Variants in KCNMA1 observed in about 807,000 individuals in gnomAD.
KCNMA1 encodes potassium calcium-activated channel subfamily M alpha 1, also known as Calcium-activated potassium channel subunit alpha-1.
Under a neutral mutation model 140.0 loss-of-function variants are expected in KCNMA1, and 29 were observed. The ratio of observed to expected loss-of-function variants is 0.21; its 90% confidence interval spans 0.15 to 0.28. The LOEUF is 0.28. Among genes scored for constraint, KCNMA1 ranks in the 10% least tolerant of loss-of-function variants. The pLI is 1.00. For synonymous variants in KCNMA1, 612 were observed against 611.9 expected (o/e 1.00, Z 0.00); for missense variants, 880 against 1,602.2 (o/e 0.55, Z 7.70).
chr10:77,344,361 G>A (rs1432983544), intron 2 of KCNMA1, among the ~76,000 whole-genome samples: 6 of 152,160 alleles, frequency 3.9e-5, no homozygotes, highest in Non-Finnish European at 5.9e-5. Flanking sequence ...GAGGGATCAG[G>A]TGAAGGAAGC....
intron 9 of KCNMA1, among the ~76,000 whole-genome samples, chr10:77,097,189 G>T (rs1483986441): frequency 6.6e-6 from 1 of 152,124 alleles, no homozygotes; most frequent in Non-Finnish European, 1.5e-5. Flanking sequence ...CCTGATTTGG[G>T]GCATGTCCTT....
At chr10:77,531,174 C>T (rs909455851) in intron 1 of KCNMA1, among the ~76,000 whole-genome samples, 2 of 152,174 alleles carry the variant, frequency 1.3e-5, no homozygotes, top group Admixed American at 1.3e-4. Context: ...GATTCTAAGT[C>T]CCAAGTCTTT....
At chr10:77,533,832 T>C (rs957144085) in intron 1 of KCNMA1, among the ~76,000 whole-genome samples, 15 of 152,196 alleles carry the variant, frequency 9.9e-5, no homozygotes, top group African/African-American at 3.6e-4. Context: ...TGTGTGACTG[T>C]TCCTTACCAC....
At chr10:76,909,874 G>T in intron 25 of KCNMA1, 92 bp downstream of exon 25, 2 of 1,396,044 alleles carry the variant, frequency 1.4e-6, no homozygotes, top group Admixed American at 3.8e-5. Context: ...CTCCACTGTG[G>T]CCCCAGTGCA....
At chr10:77,234,141 C>A (rs868559684) in intron 3 of KCNMA1, among the ~76,000 whole-genome samples, 3 of 152,138 alleles carry the variant, frequency 2.0e-5, no homozygotes, top group Admixed American at 2.0e-4. Flanking sequence ...AAGAAGCAAG[C>A]AGACTTTATC....
intron 13 of KCNMA1, 38 bp from the exon 14 acceptor site, chr10:77,073,290 T>C: frequency 1.2e-6 from 2 of 1,605,374 alleles, no homozygotes; most frequent in East Asian, 2.2e-5. Flanking sequence ...CTTGCTCTGT[T>C]AAATGTTCAA....
chr10:77,557,972 C>T (rs1712239417), intron 1 of KCNMA1, among the ~76,000 whole-genome samples: 1 of 152,050 alleles, frequency 6.6e-6, no homozygotes, highest in African/African-American at 2.4e-5. Flanking sequence ...AGAAAGATTG[C>T]ACCAGTCAAA....
intron 1 of KCNMA1, among the ~76,000 whole-genome samples, chr10:77,496,264 A>G (rs1476317155): frequency 1.3e-5 from 2 of 152,060 alleles, no homozygotes; most frequent in Non-Finnish European, 2.9e-5. Context: ...CACCTCATGC[A>G]TGTTACAAGG....
chr10:77,212,464 A>G (rs2046385366), intron 3 of KCNMA1, among the ~76,000 whole-genome samples: 1 of 152,102 alleles, frequency 6.6e-6, no homozygotes. Context: ...GAGGGAAAGG[A>G]CCGTGGGTTG....
At chr10:77,503,275 TAA>T (rs902336835) in intron 1 of KCNMA1, among the ~76,000 whole-genome samples, 3 of 152,166 alleles carry the variant, frequency 2.0e-5, no homozygotes, top group African/African-American at 7.2e-5. Flanking sequence ...ATCTTCCAAA[TAA>T]AAACTGACCT....
At chr10:76,947,161 C>G (rs901926545) in intron 22 of KCNMA1, among the ~76,000 whole-genome samples, 2 of 138,600 alleles carry the variant, frequency 1.4e-5, no homozygotes, top group Admixed American at 7.3e-5. Context: ...ATGGTGAAAC[C>G]CTGTCTCTAC....
intron 19 of KCNMA1, among the ~76,000 whole-genome samples, chr10:76,998,688 CCA>C (rs1356851280): frequency 6.6e-6 from 1 of 152,094 alleles, no homozygotes; most frequent in Non-Finnish European, 1.5e-5. Context: ...AATGAAAAGC[CCA>C]CTCTCACCAC....
At chr10:77,464,341 G>A (rs575385994) in intron 1 of KCNMA1, among the ~76,000 whole-genome samples, 5 of 152,086 alleles carry the variant, frequency 3.3e-5, no homozygotes, top group South Asian at 2.1e-4. Context: ...GCCCCCTTCC[G>A]CTTTCTTGGA....
At chr10:76,998,282 A>G (rs1306113608) in intron 19 of KCNMA1, among the ~76,000 whole-genome samples, 1 of 152,138 alleles carries the variant, frequency 6.6e-6, no homozygotes, top group African/African-American at 2.4e-5. Flanking sequence ...ACATAATGGG[A>G]CTTTGTGTTT....
intron 2 of KCNMA1, among the ~76,000 whole-genome samples, chr10:77,258,437 A>G (rs981848871): frequency 6.6e-6 from 1 of 152,184 alleles, no homozygotes; most frequent in African/African-American, 2.4e-5. Context: ...TCTGGGTCTC[A>G]GCTCTGCCAT....
At chr10:77,228,480 G>C (rs2052356995) in intron 3 of KCNMA1, among the ~76,000 whole-genome samples, 1 of 152,134 alleles carries the variant, frequency 6.6e-6, no homozygotes, top group African/African-American at 2.4e-5. Flanking sequence ...CTCCCATAAG[G>C]ACAAGATCAG....
chr10:77,496,554 G>A (rs927712452), intron 1 of KCNMA1, among the ~76,000 whole-genome samples: 62 of 130,130 alleles, frequency 4.8e-4, no homozygotes, highest in African/African-American at 1.7e-3. Flanking sequence ...CCAAGATTGC[G>A]CCACTGCACT....
intron 1 of KCNMA1, among the ~76,000 whole-genome samples, chr10:77,558,371 A>T (rs779351039): frequency 2.5e-4 from 38 of 152,324 alleles, no homozygotes; most frequent in Middle Eastern, 6.8e-3. Flanking sequence ...AACTCCATCA[A>T]ATCCATTGGA....
intron 1 of KCNMA1, among the ~76,000 whole-genome samples, chr10:77,610,022 G>A (rs1379596905): frequency 1.3e-5 from 2 of 152,118 alleles, no homozygotes; most frequent in East Asian, 1.9e-4. Flanking sequence ...TCCCCAATTC[G>A]CCCAAAGGCC....
Sources: allele counts gnomAD v4.1 joint callset (sites outside exome capture counted in the v4.1 genomes callset), GRCh38; gene constraint gnomAD v4.1.1; transcripts MANE v1.5; gene names NCBI Gene and HGNC (gene_info 2026-07-23, HGNC 2026-07-21).